Variants in LYPLAL1 observed in about 807,000 individuals in gnomAD.
LYPLAL1 encodes lysophospholipase like 1.
Under a neutral mutation model 19.7 loss-of-function variants are expected in LYPLAL1, and 23 were observed. The ratio of observed to expected loss-of-function variants is 1.17; its 90% CI spans 0.84 to 1.65. The LOEUF is 1.65. LYPLAL1 is among the 40% of genes most tolerant of loss of function. The pLI is 0.00. For synonymous variants in LYPLAL1, 119 were observed against 96.3 expected (o/e 1.24, Z -1.38); for missense variants, 355 against 279.4 (o/e 1.27, Z -1.93).
At chr1:219,338,562 C>T in the LYPLAL1 span, among the ~76,000 whole-genome samples, 2 of 151,520 alleles carry the variant, frequency 1.3e-5, no homozygotes, top group South Asian at 2.1e-4. Flanking sequence ...ATATCCACCT[C>T]AATATCTTTT....
the LYPLAL1 span, among the ~76,000 whole-genome samples, chr1:219,425,321 CCAT>C: frequency 3.4e-4 from 51 of 152,238 alleles, no homozygotes; most frequent in South Asian, 0.011. Context: ...GACCATAGCA[CCAT>C]TAGTATCCCA....
chr1:219,383,227 C>T, the LYPLAL1 span, among the ~76,000 whole-genome samples: 1 of 152,234 alleles, frequency 6.6e-6, no homozygotes, highest in African/African-American at 2.4e-5. Context: ...AGAACATTTA[C>T]TTCTTCACTT....
chr1:219,344,650 T>C, the LYPLAL1 span, among the ~76,000 whole-genome samples: 6 of 152,228 alleles, frequency 3.9e-5, no homozygotes, highest in Admixed American at 6.5e-5. Flanking sequence ...TCTATATGTC[T>C]GGGACCTAGT....
the LYPLAL1 span, among the ~76,000 whole-genome samples, chr1:219,240,498 G>A: frequency 6.6e-6 from 1 of 152,052 alleles, no homozygotes; most frequent in African/African-American, 2.4e-5. Context: ...AAGTTTATTT[G>A]TATATAGGCT....
At chr1:219,258,179 C>T in the LYPLAL1 span, among the ~76,000 whole-genome samples, 1 of 152,034 alleles carries the variant, frequency 6.6e-6, no homozygotes, top group African/African-American at 2.4e-5. Context: ...TGTTCAAACA[C>T]TCATGTTTTA....
the LYPLAL1 span, among the ~76,000 whole-genome samples, chr1:219,374,786 C>T: frequency 1.3e-5 from 2 of 152,276 alleles, no homozygotes; most frequent in South Asian, 4.1e-4. Flanking sequence ...TTGAAAATGC[C>T]ACAGATGAAT....
chr1:219,179,900 G>T (rs1656132804), intron 2 of LYPLAL1, among the ~76,000 whole-genome samples: 1 of 152,168 alleles, frequency 6.6e-6, no homozygotes, highest in Non-Finnish European at 1.5e-5. Context: ...CAGGGATTGG[G>T]ATTTTTTTTT....
the LYPLAL1 span, among the ~76,000 whole-genome samples, chr1:219,366,807 C>CA: frequency 6.6e-6 from 1 of 151,990 alleles, no homozygotes; most frequent in East Asian, 1.9e-4. Flanking sequence ...ACCAATTATA[C>CA]ACTCTAGTCC....
chr1:219,277,986 A>T, the LYPLAL1 span, among the ~76,000 whole-genome samples: 1 of 152,238 alleles, frequency 6.6e-6, no homozygotes, highest in Non-Finnish European at 1.5e-5. Flanking sequence ...TGGCAAACGT[A>T]CAACTTTAAA....
At chr1:219,406,779 A>C in the LYPLAL1 span, among the ~76,000 whole-genome samples, 2 of 113,616 alleles carry the variant, frequency 1.8e-5, no homozygotes, top group African/African-American at 5.8e-5. Context: ...CTATATCATA[A>C]ATAGAAAAAA....
chr1:219,296,069 T>C, the LYPLAL1 span, among the ~76,000 whole-genome samples: 2 of 152,218 alleles, frequency 1.3e-5, no homozygotes, highest in African/African-American at 4.8e-5. Context: ...AAATAATAAA[T>C]TAATGCATAC....
chr1:219,370,458 G>C, the LYPLAL1 span, among the ~76,000 whole-genome samples: 1 of 152,126 alleles, frequency 6.6e-6, no homozygotes, highest in Non-Finnish European at 1.5e-5. Flanking sequence ...GAAACAGAAT[G>C]ATTATACAAA....
chr1:219,360,076 G>T, the LYPLAL1 span, among the ~76,000 whole-genome samples: 3 of 152,126 alleles, frequency 2.0e-5, no homozygotes, highest in East Asian at 5.8e-4. Flanking sequence ...AATTCAGTCA[G>T]GATTATCAAC....
chr1:219,429,958 A>G, the LYPLAL1 span, among the ~76,000 whole-genome samples: 1 of 152,184 alleles, frequency 6.6e-6, no homozygotes, highest in Non-Finnish European at 1.5e-5. Flanking sequence ...TTTAAATGAG[A>G]TAACTGAGAT....
chr1:219,254,230 C>A, the LYPLAL1 span, among the ~76,000 whole-genome samples: 2 of 152,044 alleles, frequency 1.3e-5, no homozygotes, highest in Middle Eastern at 3.4e-3. Context: ...GCTTTTTTAT[C>A]CAGCTTGTCA....
chr1:219,277,609 C>T, the LYPLAL1 span, among the ~76,000 whole-genome samples: 4 of 152,180 alleles, frequency 2.6e-5, no homozygotes, highest in Non-Finnish European at 5.9e-5. Context: ...AGCTGGAAAA[C>T]AACAAGAATC....
chr1:219,324,497 G>T, the LYPLAL1 span, among the ~76,000 whole-genome samples: 1 of 152,132 alleles, frequency 6.6e-6, no homozygotes, highest in South Asian at 2.1e-4. Flanking sequence ...CTCTGCACTC[G>T]TGTTTCCTGC....
rs758639839 is a variant in LYPLAL1, at chr1:219,173,928, T to G, written c.38T>G (p.Ile13Ser). ...AASGSVLQRC[I>S]VSPAGRHSAS... ...TCGGGGTCGGTTCTGCAGCGCTGTATCGTGTCGCCGGCAGGGAGGCATAGC... is the reference window on the plus strand; with the variant it reads ...TCGGGGTCGGTTCTGCAGCGCTGTAGCGTGTCGCCGGCAGGGAGGCATAGC... The change falls in exon 1 of 5, where the codon ATC becomes AGC. Residue 13 changes from isoleucine to serine, a missense_variant. Ile to Ser is a moderately radical substitution (Grantham distance 142). Coordinates refer to ENST00000366928, the MANE Select transcript of LYPLAL1 (RefSeq NM_138794.5). The G allele has an allele frequency of 8.1e-6, 13 of 1,613,786 alleles. No individual in the cohort carries two copies. The highest frequency in any genetic ancestry group is 1.1e-5 in the Non-Finnish European group (13 of 1,179,974).
chr1:219,240,843 T>C, the LYPLAL1 span, among the ~76,000 whole-genome samples: 3 of 151,846 alleles, frequency 2.0e-5, no homozygotes, highest in Non-Finnish European at 2.9e-5. Context: ...GAAGACTACA[T>C]TGGACTCTTT....
Sources: gnomAD v4.1 joint callset for allele counts (sites outside exome capture counted in the v4.1 genomes callset) on GRCh38, gnomAD v4.1.1 for gene constraint, MANE v1.5 for transcripts, NCBI Gene and HGNC (gene_info 2026-07-23, HGNC 2026-07-21) for gene names.